CES2: variants seen among roughly 807,000 people sequenced by gnomAD.
The protein encoded by CES2 is carboxylesterase 2, also known as cocaine esterase.
In CES2, 42 loss-of-function variants were observed where a neutral mutation model predicts 52.1. That is an observed-to-expected ratio of 0.81 (90% CI 0.63 to 1.04). The LOEUF is 1.04. Ranked by LOEUF, CES2 falls within the 50% of genes least tolerant of loss-of-function variation. The pLI is 0.00. For synonymous variants in CES2, 277 were observed against 289.6 expected (o/e 0.96, Z 0.44); for missense variants, 656 against 724.3 (o/e 0.91, Z 1.08).
rs368316815 is a variant in CES2 at position 66,941,905 on chromosome 16, A to G, written c.1137+57A>G. The G allele has an allele frequency of 6.8e-6, 11 of 1,610,304 alleles. No individual in the cohort carries two copies. In the African/African-American group the frequency reaches 9.4e-5, roughly 14 times the overall value. On this transcript the variant is annotated intron_variant, in intron 8 of 11. Transcript: ENST00000317091. ...ACGGGCTCCTCTCCTGTCCTGAGACAGAGGAAATTCAACCCCCAGATACCC... is the reference window on the plus strand; with the variant it reads ...ACGGGCTCCTCTCCTGTCCTGAGACGGAGGAAATTCAACCCCCAGATACCC...
At chr16:66,934,689 G>C, upstream of CES2, 1 of 299,292 alleles carries the variant, frequency 3.3e-6, no homozygotes, top group East Asian at 6.8e-5. This position sits in a 1 kb window ranked among gnomAD's most constrained non-coding sequence, Gnocchi z 4.1. Flanking sequence ...TCCCCACACC[G>C]CTTCCTCCTG....
chr16:66,937,428 C>T (rs144669133), intron 1 of CES2, among the ~76,000 whole-genome samples: 1 of 152,298 alleles, frequency 6.6e-6, no homozygotes, highest in East Asian at 1.9e-4. Context: ...TCTAAACAGT[C>T]ATAAACTCAC....
At chr16:66,941,405 G>A (rs779675163) in intron 6 of CES2, 101 bp from the exon 7 acceptor site, 1 of 1,539,874 alleles carries the variant, frequency 6.5e-7, no homozygotes, top group Non-Finnish European at 8.8e-7. Context: ...GGGTGGGTAT[G>A]AGCATCCAGG....
Position 66,943,006 on chromosome 16 carries a change from T to A in CES2, c.1420+221T>A, listed in dbSNP as rs1963402725. ...CTCTGCCTCTCCCCAGCCATGGGTG[T>A]CTGGCCTGGTGCAGAACAGGTGTTT... On this transcript the variant is annotated intron_variant, in intron 10 of 11. Coordinates refer to ENST00000317091, the MANE Select transcript of CES2 (RefSeq NM_001365405.1). This position sits in a 1 kb window ranked among gnomAD's most constrained non-coding sequence, Gnocchi z 4.2. Among the ~76,000 whole-genome samples, 1 of 152,226 alleles carries A rather than the reference T, an allele frequency of 6.6e-6. No homozygotes were observed. Among genetic ancestry groups the A allele is most frequent in the African/African-American group, 2.4e-5 (1 of 41,466 alleles).
intron 1 of CES2, chr16:66,935,993 C>G: frequency 7.3e-7 from 1 of 1,376,382 alleles, no homozygotes; most frequent in Non-Finnish European, 9.4e-7. Context: ...AGCCTGGGGT[C>G]GGAGTGGGTG....
chr16:66,934,490 T>G, upstream of CES2: 60 of 1,372,798 alleles, frequency 4.4e-5, no homozygotes, highest in Non-Finnish European at 5.7e-5. The surrounding 1 kb of genome is among the most constrained non-coding windows in gnomAD (Gnocchi z 4.1). Flanking sequence ...CGTTGTGGGT[T>G]CTCGGCCTGA....
chr16:66,942,834 C>T (rs1183170531), intron 10 of CES2, 49 bp downstream of exon 10: 2 of 1,612,582 alleles, frequency 1.2e-6, no homozygotes, highest in Non-Finnish European at 1.7e-6. Context: ...CTGGCTGGGT[C>T]TCTGAGCGAT....
intron 1 of CES2, among the ~76,000 whole-genome samples, chr16:66,937,713 C>G (rs1221226222): frequency 6.6e-6 from 1 of 152,184 alleles, no homozygotes; most frequent in Non-Finnish European, 1.5e-5. Flanking sequence ...TGCCCAATTC[C>G]CACCATCATC....
chr16:66,936,797 G>A (rs1190856553), intron 1 of CES2, among the ~76,000 whole-genome samples: 1 of 152,104 alleles, frequency 6.6e-6, no homozygotes, highest in Non-Finnish European at 1.5e-5. Context: ...ACTGCTGCAG[G>A]GCTTCCTCCC....
rs1208655913 is a variant in CES2, at chr16:66,944,249, G to A, written c.*224G>A. 8.6e-6 allele frequency: 3 copies of A among 348,706 alleles called. No homozygotes were observed. Among genetic ancestry groups the A allele is most frequent in the Non-Finnish European group, 1.5e-5 (3 of 194,324 alleles). The allele number at this position is 348,706 out of a possible 1,614,324, so 21.6% of individuals were successfully genotyped here. A position where few individuals can be genotyped will look rare whatever the true frequency, so the allele number is the denominator to read the frequency against. ...TTGGGAAGGATGAGATGGGAGGATGGCTTGAGGCCAGAGGTTTGAGACCGA... is the reference window on the plus strand; with the variant it reads ...TTGGGAAGGATGAGATGGGAGGATGACTTGAGGCCAGAGGTTTGAGACCGA... On this transcript the variant is annotated 3_prime_UTR_variant, in exon 12 of 12. Transcript: ENST00000317091.
upstream of CES2, chr16:66,935,102 G>C (rs1414146904): frequency 2.0e-5 from 5 of 253,680 alleles, no homozygotes; most frequent in Non-Finnish European, 3.1e-5. Context: ...AAGCAAGGAG[G>C]AACTTCCAGA....
Position 66,944,006 on chromosome 16 carries a change from A to G in CES2, c.1661A>G (p.Glu554Gly). 6.5e-7 allele frequency: 1 copy of G among 1,543,804 alleles called. No homozygotes were observed. The highest frequency in any genetic ancestry group is 1.2e-5 in the South Asian group (1 of 84,560). Residue 554 changes from glutamate (E) to glycine (G), a missense_variant, in exon 12 of 12, where the codon GAG becomes GGG. Transcript: ENST00000317091. The stretch of plus-strand genomic sequence containing the variant: ...ATCCAGGAGCTCGAGGAGCCTGAAG[A>G]GAGACACACAGAGCTGTAGCTCCCT... ...QKIQELEEPE[E>G]RHTEL
chr16:66,937,572 A>G (rs531189060), intron 1 of CES2, among the ~76,000 whole-genome samples: 2 of 152,226 alleles, frequency 1.3e-5, no homozygotes, highest in South Asian at 2.1e-4. Flanking sequence ...TGTGCTTTTT[A>G]TATCCCAGCC....
chr16:66,943,246 G>A lies in CES2; in HGVS notation c.1421-53G>A. On this transcript the variant is annotated intron_variant, in intron 10 of 11. Transcript: ENST00000317091. This position sits in a 1 kb window ranked among gnomAD's most constrained non-coding sequence, Gnocchi z 4.2. ...GGGGCCAAGGACGAGCTCCACCTGGGATGCTGAGGTTGGACATCCTGATGA... is the reference window on the plus strand; with the variant it reads ...GGGGCCAAGGACGAGCTCCACCTGGAATGCTGAGGTTGGACATCCTGATGA... 3 of 1,589,698 alleles carry A rather than the reference G, an allele frequency of 1.9e-6. No individual in the cohort carries two copies. The highest frequency in any genetic ancestry group is 2.6e-6 in the Non-Finnish European group (3 of 1,159,638).
chr16:66,941,011 C>CA (rs1336450939), intron 5 of CES2, 113 bp from the exon 6 acceptor site: 2 of 1,441,320 alleles, frequency 1.4e-6, no homozygotes, highest in Admixed American at 2.2e-5. Context: ...TGCAGGAACT[C>CA]ATACGAAGTA....
At position 66,940,268 on chromosome 16, in the gene CES2, C is replaced by T. The variant is rs1295329798; in HGVS notation, c.470C>T (p.Ser157Phe). ...GGTGCGCTTGTTTTTGGCATGGCTT[C>T]CTTGTATGATGGTTCCATGCTGGCT... is the stretch of plus-strand genomic sequence containing the variant. ...HGGALVFGMA[S>F]LYDGSMLAAL... The change falls in exon 4 of 12, where the codon TCC becomes TTC. Residue 157 changes from serine to phenylalanine, a missense_variant. Ser to Phe is a radical substitution (Grantham distance 155, BLOSUM62 -2). Coordinates refer to ENST00000317091, the MANE Select transcript of CES2 (RefSeq NM_001365405.1). The T allele has an allele frequency of 5.6e-6, 9 of 1,613,858 alleles. No homozygotes were observed. Among genetic ancestry groups the T allele is most frequent in the Non-Finnish European group, 7.6e-6 (9 of 1,179,916 alleles).
In CES2 at chr16:66,940,323, C is replaced by A. The variant is rs769440021; in HGVS notation, c.525C>A (p.Ile175=). ...TGGAGAACGTGGTGGTGGTCATCAT[C>A]CAGTACCGCCTGGGTGTCCTGGGCT... The part of the protein sequence containing the change: ...AALENVVVVI[I]QYRLGVLGFF... Residue 175 remains isoleucine, a synonymous_variant, in exon 4 of 12, where the codon ATC becomes ATA. Coordinates refer to ENST00000317091, the MANE Select transcript of CES2 (RefSeq NM_001365405.1). The A allele has an allele frequency of 1.9e-6, 3 of 1,614,014 alleles. No individual in the cohort carries two copies. Among genetic ancestry groups the A allele is most frequent in the African/African-American group, 1.3e-5 (1 of 74,886 alleles).
rs1012355715 is a variant in CES2 at position 66,944,709 on chromosome 16, C to T, written c.*684C>T. On this transcript the variant is annotated 3_prime_UTR_variant, in exon 12 of 12. Transcript: ENST00000317091. ...AGGTTGCAGTGAGCTGAGATTGTGC[C>T]ACTGTACTCCAGCCTGGGCAACAAG... The T allele has an allele frequency of 1.3e-5, 2 of 152,236 alleles. No homozygotes were observed. Among genetic ancestry groups the T allele is most frequent in the South Asian group, 2.1e-4 (1 of 4,836 alleles). 9.4% of individuals were successfully genotyped at this position (152,236 alleles called of 1,614,324 possible).
At position 66,940,243 on chromosome 16, in the gene CES2, G is replaced by A. The variant is rs746492227; in HGVS notation, c.445G>A (p.Gly149Ser). The stretch of plus-strand genomic sequence containing the variant: ...CCAGGTGATGGTGTGGATCCACGGT[G>A]GTGCGCTTGTTTTTGGCATGGCTTC... Reference protein sequence around the residue: ...NLPVMVWIHGGALVFGMASLY... With the variant: ...NLPVMVWIHGSALVFGMASLY... The change falls in exon 4 of 12, where the codon GGT (glycine) becomes AGT (serine). Residue 149 changes from glycine (G) to serine (S), a missense_variant. Physicochemically the swap from Gly to Ser is moderately conservative, Grantham distance 56. Coordinates refer to ENST00000317091, the MANE Select transcript of CES2 (RefSeq NM_001365405.1). 2 of 1,613,958 alleles carry A rather than the reference G, an allele frequency of 1.2e-6. No homozygotes were observed. The highest frequency in any genetic ancestry group is 1.1e-5 in the South Asian group (1 of 91,056).
Sources: allele counts gnomAD v4.1 joint callset (sites outside exome capture counted in the v4.1 genomes callset), GRCh38; gene constraint gnomAD v4.1.1; non-coding constraint Gnocchi (gnomAD v3.1); transcripts MANE v1.5; gene names NCBI Gene and HGNC (gene_info 2026-07-23, HGNC 2026-07-21).